The following WDFY4 variants were observed in gnomAD, a reference collection of about 807,000 sequenced individuals.
The protein encoded by WDFY4 is WD repeat- and FYVE domain-containing protein 4.
A neutral mutation model predicts 351.9 loss-of-function variants in WDFY4; 169 were observed. The observed-to-expected ratio is 0.48, with a 90% CI of 0.42 to 0.55. The LOEUF (loss-of-function observed/expected upper bound fraction) is 0.55, where lower values mean the gene tolerates loss of function less well. Among genes scored for constraint, WDFY4 ranks in the 20% least tolerant of loss-of-function variants. The pLI is 0.00. For synonymous variants in WDFY4, 1,622 were observed against 1,574.6 expected (o/e 1.03, Z -0.71); for missense variants, 3,803 against 3,935.6 (o/e 0.97, Z 0.90).
At chr10:48,843,461 C>T (rs1047930615) in intron 39 of WDFY4, among the ~76,000 whole-genome samples, 2 of 152,142 alleles carry the variant, frequency 1.3e-5, no homozygotes, top group African/African-American at 4.8e-5. Context: ...AGAGATGACA[C>T]ATGGTCCTTA....
At chr10:48,751,323 A>G (rs2065174468) in intron 12 of WDFY4, among the ~76,000 whole-genome samples, 2 of 152,206 alleles carry the variant, frequency 1.3e-5, no homozygotes, top group African/African-American at 2.4e-5. Context: ...AAAATCAACT[A>G]TCTTGAGTAA....
Position 48,866,088 on chromosome 10 carries a change from T to C in WDFY4, c.6664-1177T>C, listed in dbSNP as rs181872778. Reference sequence around the variant, plus strand: ...TTTTATATTCTGTAATTCATTACTTTCTGCATTAATATTTATTTTCCCCTT... The same window carrying C: ...TTTTATATTCTGTAATTCATTACTTCCTGCATTAATATTTATTTTCCCCTT... On this transcript the variant is annotated intron_variant, in intron 39 of 61. Coordinates refer to ENST00000325239, the MANE Select transcript of WDFY4 (RefSeq NM_001394531.1). Among the ~76,000 whole-genome samples, 727 of 152,260 alleles carry C rather than the reference T, an allele frequency of 4.8e-3. 6 individuals are homozygous for C. The highest frequency in any genetic ancestry group is 7.0e-3 in the Non-Finnish European group (477 of 68,010).
chr10:48,970,597 C>T (rs956212681), intron 57 of WDFY4, among the ~76,000 whole-genome samples: 1 of 152,230 alleles, frequency 6.6e-6, no homozygotes, highest in African/African-American at 2.4e-5. Context: ...ACAGTCACTT[C>T]ATGCACATGA....
chr10:48,696,104 G>A (rs936452818), intron 1 of WDFY4, among the ~76,000 whole-genome samples: 7 of 152,166 alleles, frequency 4.6e-5, no homozygotes, highest in African/African-American at 1.4e-4. Flanking sequence ...CAGTCTCCTC[G>A]TGAGTCCTTT....
chr10:48,717,929 G>A (rs1341665260), intron 2 of WDFY4, among the ~76,000 whole-genome samples: 1 of 152,200 alleles, frequency 6.6e-6, no homozygotes, highest in African/African-American at 2.4e-5. Context: ...AAATTGCCAG[G>A]TGGTAGAGTG....
At chr10:48,807,072 G>A (rs2067281388) in intron 27 of WDFY4, among the ~76,000 whole-genome samples, 1 of 152,162 alleles carries the variant, frequency 6.6e-6, no homozygotes, top group African/African-American at 2.4e-5. Flanking sequence ...ATGAGATTAG[G>A]AGCTAATTGA....
At chr10:48,893,716 G>A (rs1836931167) in intron 44 of WDFY4, among the ~76,000 whole-genome samples, 1 of 152,212 alleles carries the variant, frequency 6.6e-6, no homozygotes, top group Non-Finnish European at 1.5e-5. Context: ...CAACAGTCAG[G>A]TAACTTCAAA....
At chr10:48,893,080 G>C (rs897337840) in intron 44 of WDFY4, among the ~76,000 whole-genome samples, 1 of 152,188 alleles carries the variant, frequency 6.6e-6, no homozygotes, top group East Asian at 1.9e-4. Flanking sequence ...GACTGCTCTA[G>C]GGAAGCCTCC....
At chr10:48,887,885 G>A (rs763719183) in intron 43 of WDFY4, among the ~76,000 whole-genome samples, 10 of 152,126 alleles carry the variant, frequency 6.6e-5, no homozygotes, top group Non-Finnish European at 1.3e-4. Context: ...ACATTTGAAA[G>A]CCACCTGAAT....
rs150263743 is a variant in WDFY4 at position 48,761,296 on chromosome 10, G to A, written c.2553+856G>A. The stretch of plus-strand genomic sequence containing the variant: ...TTGCCAATGTAAATGATAACAAGAA[G>A]CCTCTCTCACGTGAGTGGAGGGTGA... On this transcript the variant is annotated intron_variant, in intron 13 of 61. Coordinates refer to ENST00000325239, the MANE Select transcript of WDFY4 (RefSeq NM_001394531.1). Among the ~76,000 whole-genome samples, 10 of 152,304 alleles carry A rather than the reference G, an allele frequency of 6.6e-5. No homozygotes were observed. The East Asian group carries it at 1.9e-3, about 29-fold the overall frequency.
chr10:48,974,481 C>T (rs1646096433), intron 57 of WDFY4, among the ~76,000 whole-genome samples: 2 of 107,276 alleles, frequency 1.9e-5, no homozygotes, highest in African/African-American at 7.9e-5. Flanking sequence ...CCAGCCTAGG[C>T]AACAGAGCAA....
At position 48,777,461 on chromosome 10, in the gene WDFY4, C is replaced by T. The variant is rs1207880912; in HGVS notation, c.3141C>T (p.Ser1047=). The change falls in exon 17 of 62, where the codon AGC becomes AGT. Residue 1047 remains serine (S), a synonymous_variant. Transcript: ENST00000325239. ...CCCTGTCCACAGTTATGGGAACCAG[C>T]ACTGAGTACTCTGTCTCTGGAGGAA... ...IPTLSTVMGT[S]TEYSVSGGIG... 11 of 1,551,648 alleles carry T rather than the reference C, an allele frequency of 7.1e-6. No homozygotes were observed. In the Admixed American group the frequency reaches 7.8e-5, roughly 11 times the overall value.
chr10:48,785,738 T>C (rs1208501751), intron 19 of WDFY4, among the ~76,000 whole-genome samples: 1 of 152,226 alleles, frequency 6.6e-6, no homozygotes, highest in Non-Finnish European at 1.5e-5. Flanking sequence ...ATTTTATAGC[T>C]ATATAATAAG....
intron 11 of WDFY4, among the ~76,000 whole-genome samples, chr10:48,742,398 G>A (rs549543206): frequency 9.2e-5 from 14 of 152,336 alleles, no homozygotes; most frequent in African/African-American, 2.9e-4. Context: ...CGATGAAGCC[G>A]TGCTTGCACA....
At chr10:48,892,166 A>C (rs1372299501) in intron 44 of WDFY4, among the ~76,000 whole-genome samples, 1 of 152,214 alleles carries the variant, frequency 6.6e-6, no homozygotes, top group East Asian at 1.9e-4. Flanking sequence ...TACTCTATCC[A>C]TATGCACGGT....
chr10:48,762,576 G>A (rs1028479881), intron 13 of WDFY4, among the ~76,000 whole-genome samples: 2 of 152,230 alleles, frequency 1.3e-5, no homozygotes, highest in African/African-American at 2.4e-5. Context: ...GTGCTGGTGG[G>A]GTTGAACCTC....
intron 13 of WDFY4, among the ~76,000 whole-genome samples, chr10:48,762,601 T>C (rs995585376): frequency 6.6e-6 from 1 of 152,208 alleles, no homozygotes; most frequent in Non-Finnish European, 1.5e-5. Flanking sequence ...GATGACCTCT[T>C]TAGCTGTGGC....
chr10:48,769,101 G>A (rs146646585), intron 13 of WDFY4, among the ~76,000 whole-genome samples: 30 of 152,332 alleles, frequency 2.0e-4, no homozygotes, highest in African/African-American at 7.0e-4. Flanking sequence ...AATTTGGAAA[G>A]GAAACAGAAA....
chr10:48,834,440 G>A (rs2068307587), intron 39 of WDFY4, among the ~76,000 whole-genome samples: 1 of 152,192 alleles, frequency 6.6e-6, no homozygotes, highest in African/African-American at 2.4e-5. Flanking sequence ...AGAGCATGTG[G>A]AGCCCTTGGA....
Sources: gnomAD v4.1 joint callset for allele counts (sites outside exome capture counted in the v4.1 genomes callset) on GRCh38, gnomAD v4.1.1 for gene constraint, MANE v1.5 for transcripts, NCBI Gene and HGNC (gene_info 2026-07-23, HGNC 2026-07-21) for gene names.